Variants in FGF1 observed in about 807,000 individuals in gnomAD.
The protein encoded by FGF1 is beta-endothelial cell growth factor.
A neutral mutation model predicts 13.4 loss-of-function variants in FGF1; 9 were observed. The ratio of observed to expected loss-of-function variants is 0.67; its 90% CI spans 0.40 to 1.17. The LOEUF (loss-of-function observed/expected upper bound fraction) is 1.17, where lower values mean the gene tolerates loss of function less well. FGF1 is among the 50% of genes most tolerant of loss of function. The pLI, the probability that FGF1 is intolerant of heterozygous loss-of-function variation, is 0.01. For synonymous variants in FGF1, 93 were observed against 79.0 expected (o/e 1.18, Z -0.94); for missense variants, 156 against 192.7 (o/e 0.81, Z 1.13).
chr5:142,672,102 A>G (rs961084239), intron 1 of FGF1: 1 of 152,146 alleles, frequency 6.6e-6, no homozygotes, highest in Non-Finnish European at 1.5e-5. Flanking sequence ...CTTTTTTGCT[A>G]TGCACACACA....
chr5:142,637,219 A>G (rs1408597834), intron 1 of FGF1, among the ~76,000 whole-genome samples: 1 of 151,962 alleles, frequency 6.6e-6, no homozygotes, highest in East Asian at 1.9e-4. Flanking sequence ...TCCCAACACC[A>G]AAGATACAAG....
At chr5:142,636,127 T>A (rs11738209) in intron 1 of FGF1, among the ~76,000 whole-genome samples, 7,723 of 152,294 alleles carry the variant, frequency 0.051, 210 homozygotes, top group Middle Eastern at 0.12. Context: ...TGGAGCCGGA[T>A]TTTCTGCTTC....
intron 1 of FGF1, among the ~76,000 whole-genome samples, chr5:142,675,778 C>A (rs1772453933): frequency 6.6e-6 from 1 of 152,198 alleles, no homozygotes; most frequent in Non-Finnish European, 1.5e-5. Flanking sequence ...CCTATAATAG[C>A]CTGTCCTTTT....
chr5:142,689,417 T>A (rs1290321951), upstream of FGF1, among the ~76,000 whole-genome samples: 5 of 152,146 alleles, frequency 3.3e-5, no homozygotes, highest in African/African-American at 1.2e-4. Context: ...CAGACATTCA[T>A]GGGAAATTGT....
intron 1 of FGF1, among the ~76,000 whole-genome samples, chr5:142,679,074 G>T (rs1488889738): frequency 6.6e-6 from 1 of 152,138 alleles, no homozygotes; most frequent in Non-Finnish European, 1.5e-5. Flanking sequence ...TCCCTTCGTT[G>T]AAATGAGAGA....
chr5:142,613,838 G>T, intron 2 of FGF1, 121 bp downstream of exon 2: 1 of 1,025,838 alleles, frequency 9.7e-7, no homozygotes, highest in Non-Finnish European at 1.4e-6. Flanking sequence ...ACCTCTGAAT[G>T]TGTCATGCCT....
intron 1 of FGF1, among the ~76,000 whole-genome samples, chr5:142,659,527 T>A (rs898202427): frequency 2.0e-5 from 3 of 152,244 alleles, no homozygotes; most frequent in Middle Eastern, 3.4e-3. Context: ...AGCCCTTGCA[T>A]CAGTTTTAAG....
At position 142,677,766 on chromosome 5, in the gene FGF1, A is replaced by G. The variant is rs149990217; in HGVS notation, c.-35+8191T>C. On this transcript the variant is annotated intron_variant, in intron 1 of 3. Coordinates refer to ENST00000337706, the MANE Select transcript of FGF1 (RefSeq NM_000800.5). ...CTACCCTGTGGCACGGCTCTGTCCT[A>G]TTCACTGGGGATATAGCAGGGAGCA... is the stretch of plus-strand genomic sequence containing the variant. Among the ~76,000 whole-genome samples, 268 of 152,320 alleles carry G rather than the reference A, an allele frequency of 1.8e-3. 1 individual carries two copies. The highest frequency in any genetic ancestry group is 6.2e-3 in the African/African-American group (258 of 41,566).
chr5:142,597,735 A>G (rs1442304697), intron 3 of FGF1, among the ~76,000 whole-genome samples: 9 of 152,106 alleles, frequency 5.9e-5, no homozygotes, highest in Admixed American at 1.3e-4. Flanking sequence ...TATATTGTTC[A>G]TTGTTCTCTA....
At chr5:142,653,404 T>G (rs966049734) in intron 1 of FGF1, among the ~76,000 whole-genome samples, 9 of 152,150 alleles carry the variant, frequency 5.9e-5, no homozygotes, top group African/African-American at 2.2e-4. Flanking sequence ...CACATAGAAG[T>G]GAAGGCTGTG....
intron 2 of FGF1, among the ~76,000 whole-genome samples, chr5:142,604,141 A>C (rs10075164): frequency 0.085 from 12,945 of 152,222 alleles, 952 homozygotes; most frequent in African/African-American, 0.19. Context: ...GTTAAAAGGC[A>C]TGGGGCTTCT....
chr5:142,697,278 C>T (rs560459654), intron 2 of FGF1, among the ~76,000 whole-genome samples: 57 of 152,300 alleles, frequency 3.7e-4, no homozygotes, highest in Admixed American at 9.1e-4. Context: ...TAAAATGAAG[C>T]ATTAAGTCTA....
chr5:142,609,436 A>G (rs908053778), intron 2 of FGF1, among the ~76,000 whole-genome samples: 1 of 152,182 alleles, frequency 6.6e-6, no homozygotes, highest in Non-Finnish European at 1.5e-5. Context: ...GGGATAAGTC[A>G]TGGTCCCCCT....
At chr5:142,642,956 T>G (rs1487634522) in intron 1 of FGF1, among the ~76,000 whole-genome samples, 1 of 152,252 alleles carries the variant, frequency 6.6e-6, no homozygotes, top group Non-Finnish European at 1.5e-5. Flanking sequence ...AATATATGGT[T>G]GCCTGATTAG....
chr5:142,624,611 A>T (rs1338699657), intron 1 of FGF1, among the ~76,000 whole-genome samples: 1 of 152,234 alleles, frequency 6.6e-6, no homozygotes. Context: ...TTAATTCTAA[A>T]GACTCCCCAA....
chr5:142,658,829 G>T (rs899373556), intron 1 of FGF1, among the ~76,000 whole-genome samples: 1 of 152,154 alleles, frequency 6.6e-6, no homozygotes, highest in African/African-American at 2.4e-5. Context: ...TGTGCATGGT[G>T]CTCTGGGGAT....
At chr5:142,661,322 A>G (rs561298159) in intron 1 of FGF1, among the ~76,000 whole-genome samples, 9 of 152,230 alleles carry the variant, frequency 5.9e-5, no homozygotes, top group Non-Finnish European at 1.3e-4. Context: ...GCTGGCTTTC[A>G]TCAAAAAGGC....
chr5:142,647,270 A>T (rs77427305), intron 1 of FGF1, among the ~76,000 whole-genome samples: 1 of 152,102 alleles, frequency 6.6e-6, no homozygotes, highest in African/African-American at 2.4e-5. Context: ...ACTGGAACAA[A>T]CCTTACCAAC....
rs73797919 is a variant in FGF1, at chr5:142,621,609, C to T, written c.-34-7448G>A. On this transcript the variant is annotated intron_variant, in intron 1 of 3. Coordinates refer to ENST00000337706, the MANE Select transcript of FGF1 (RefSeq NM_000800.5). ...CCAACAGCAGACAGCATTTCCTTTA[C>T]TTCACTGCAGCGCTGGGTGTAATTC... 1.9e-3 allele frequency among the ~76,000 whole-genome samples: 286 copies of T among 152,288 alleles called. 1 individual carries two copies. The highest frequency in any genetic ancestry group is 6.6e-3 in the African/African-American group (273 of 41,546).
Sources: gnomAD v4.1 joint callset for allele counts (sites outside exome capture counted in the v4.1 genomes callset) on GRCh38, gnomAD v4.1.1 for gene constraint, MANE v1.5 for transcripts, NCBI Gene and HGNC (gene_info 2026-07-23, HGNC 2026-07-21) for gene names.